The following KCNAB2 variants were observed in gnomAD, a reference collection of about 807,000 sequenced individuals.
The protein encoded by KCNAB2 is voltage-gated potassium channel subunit beta-2.
Under a neutral mutation model 63.6 loss-of-function variants are expected in KCNAB2, and 29 were observed. The ratio of observed to expected loss-of-function variants is 0.46; its 90% CI spans 0.34 to 0.62. KCNAB2 has a LOEUF of 0.62. KCNAB2 is among the 20% of genes least tolerant of loss of function. The probability of loss-of-function intolerance (pLI) is 0.01; values close to 1 mark genes in which losing one functional copy is unlikely to be tolerated. For missense variants in KCNAB2, 359 were observed against 563.9 expected, an observed-to-expected ratio of 0.64 and a Z score of 3.68; for synonymous variants, 222 against 224.2, an observed-to-expected ratio of 0.99 and a Z score of 0.09.
intron 1 of KCNAB2, among the ~76,000 whole-genome samples, chr1:6,019,139 A>T (rs952307233): frequency 7.9e-5 from 12 of 152,098 alleles, no homozygotes; most frequent in African/African-American, 2.7e-4. Context: ...AAAAAATTAT[A>T]AAATTAGCCG....
upstream of KCNAB2, among the ~76,000 whole-genome samples, chr1:6,032,317 A>C (rs1252864622): frequency 6.6e-6 from 1 of 152,224 alleles, no homozygotes; most frequent in Non-Finnish European, 1.5e-5. Flanking sequence ...GCGGTGGCTC[A>C]CACCTGTAAT....
In KCNAB2 at chr1:6,099,711, G is replaced by T. The variant is rs940448959; in HGVS notation, c.*1137G>T. 2 of 1,412,100 alleles carry T rather than the reference G, an allele frequency of 1.4e-6. No homozygotes were observed. The highest frequency in any genetic ancestry group is 1.9e-6 in the Non-Finnish European group (2 of 1,071,580). The allele number at this position is 1,412,100 out of a possible 1,614,324, so 87.5% of individuals were successfully genotyped here. A position where few individuals can be genotyped will look rare whatever the true frequency, so the allele number is the denominator to read the frequency against. On this transcript the variant is annotated 3_prime_UTR_variant, in exon 16 of 16. Coordinates refer to ENST00000378083, the MANE Select transcript of KCNAB2 (RefSeq NM_001199862.2). ...TTTCTGTGCCCATGACTTGGGGGCT[G>T]CACCCCCACAGCACCCCCACAATGT...
At chr1:6,037,382 C>T (rs370916569) in intron 1 of KCNAB2, among the ~76,000 whole-genome samples, 4 of 152,338 alleles carry the variant, frequency 2.6e-5, no homozygotes, top group South Asian at 4.1e-4. Context: ...TCCTGCCTCC[C>T]GTGGGCCGTG....
rs1361343257 is a variant in KCNAB2, at chr1:6,024,018, T to A, written c.-52-16499T>A. Reference sequence around the variant, plus strand: ...GTGCAATGGCACAATCTAGGCTCACTGCGACCTCCGCCTCCTGGGTTCAAG... The same window carrying A: ...GTGCAATGGCACAATCTAGGCTCACAGCGACCTCCGCCTCCTGGGTTCAAG... On this transcript the variant is annotated intron_variant, in intron 1 of 16. Transcript: ENST00000341524. This position sits in a 1 kb window ranked among gnomAD's most constrained non-coding sequence, Gnocchi z 5.4. 6.6e-6 allele frequency among the ~76,000 whole-genome samples: 1 copy of A among 151,904 alleles called. No homozygotes were observed. The highest frequency in any genetic ancestry group is 1.9e-4 in the East Asian group (1 of 5,190).
chr1:6,034,007 C>A (rs76810726), upstream of KCNAB2, among the ~76,000 whole-genome samples: 1,593 of 152,190 alleles, frequency 0.01, 18 homozygotes, highest in Middle Eastern at 0.024. Context: ...TGCTAGGCTC[C>A]CCTCTTGGGT....
At chr1:6,094,207 G>A in intron 10 of KCNAB2, among the ~76,000 whole-genome samples, 193 bp from the exon 11 acceptor site, 1 of 152,106 alleles carries the variant, frequency 6.6e-6, no homozygotes, top group Non-Finnish European at 1.5e-5. Flanking sequence ...TAGGATTGTG[G>A]TTCACTTTTC....
rs1664830235 is a variant in KCNAB2, at chr1:6,087,793, T to C, written c.470+282T>C. On this transcript the variant is annotated intron_variant, in intron 7 of 15. Coordinates refer to ENST00000378083, the MANE Select transcript of KCNAB2 (RefSeq NM_001199862.2). The surrounding 1 kb of genome is among the most constrained non-coding windows in gnomAD (Gnocchi z 6.4). ...AAAGAAGCTGTGGCCGAGTTTGCCTTTTACAAAAACCTCGCTTAACTTTCC... is the reference window on the plus strand; with the variant it reads ...AAAGAAGCTGTGGCCGAGTTTGCCTCTTACAAAAACCTCGCTTAACTTTCC... Among the ~76,000 whole-genome samples the C allele has an allele frequency of 6.6e-6, 1 of 152,244 alleles. No homozygotes were observed. The highest frequency in any genetic ancestry group is 6.5e-5 in the Admixed American group (1 of 15,290).
At chr1:6,012,905 C>G (rs138905792) in intron 1 of KCNAB2, among the ~76,000 whole-genome samples, 1 of 152,088 alleles carries the variant, frequency 6.6e-6, no homozygotes, top group Non-Finnish European at 1.5e-5. Context: ...TCTCCACACA[C>G]GCCCTGTGAG....
At chr1:6,018,331 G>A (rs763167883) in intron 1 of KCNAB2, among the ~76,000 whole-genome samples, 9 of 152,202 alleles carry the variant, frequency 5.9e-5, no homozygotes, top group African/African-American at 9.6e-5. Flanking sequence ...CCATAGTAGC[G>A]TGAAAGCAGC....
chr1:6,077,732 C>A (rs1349738564), intron 4 of KCNAB2, among the ~76,000 whole-genome samples: 1 of 152,170 alleles, frequency 6.6e-6, no homozygotes, highest in Non-Finnish European at 1.5e-5. Flanking sequence ...GAGCCAGGAG[C>A]ATCCGGGGCC....
At chr1:5,992,681 T>C (rs965148121), upstream of KCNAB2, 5 of 152,270 alleles carry the variant, frequency 3.3e-5, no homozygotes, top group African/African-American at 1.2e-4. Flanking sequence ...AAGATGCTGC[T>C]GGCGGAACCT....
intron 1 of KCNAB2, among the ~76,000 whole-genome samples, chr1:6,049,600 G>A (rs1033872572): frequency 3.9e-5 from 6 of 152,224 alleles, no homozygotes; most frequent in Non-Finnish European, 8.8e-5. Context: ...CCTTTAGGGA[G>A]GGGGCCATCC....
At chr1:6,019,578 G>A (rs1436324615) in intron 1 of KCNAB2, among the ~76,000 whole-genome samples, 1 of 152,204 alleles carries the variant, frequency 6.6e-6, no homozygotes, top group Non-Finnish European at 1.5e-5. Flanking sequence ...AGGCTCTGGA[G>A]TTGGGCACTG....
intron 2 of KCNAB2, among the ~76,000 whole-genome samples, chr1:6,062,786 T>G (rs1195035305): frequency 6.6e-6 from 1 of 152,198 alleles, no homozygotes; most frequent in African/African-American, 2.4e-5. Context: ...GTGACTTTTT[T>G]GGGGGAGATG....
chr1:6,072,859 GACTGA>G (rs1232372685), intron 3 of KCNAB2, 61 bp downstream of exon 3: 2 of 1,520,980 alleles, frequency 1.3e-6, no homozygotes, highest in Non-Finnish European at 1.8e-6. Context: ...GCCGGGCATG[GACTGA>G]ACTGGACACC....
At chr1:6,060,719 A>G (rs1016144106) in intron 2 of KCNAB2, among the ~76,000 whole-genome samples, 1 of 152,142 alleles carries the variant, frequency 6.6e-6, no homozygotes, top group Admixed American at 6.5e-5. Context: ...CCTAGCCAAC[A>G]TGCTGAAACC....
upstream of KCNAB2, among the ~76,000 whole-genome samples, chr1:6,045,120 C>A (rs1660809559): frequency 1.3e-5 from 2 of 152,180 alleles, no homozygotes. The surrounding 1 kb of genome is among the most constrained non-coding windows in gnomAD (Gnocchi z 4.8). Flanking sequence ...CGTGCTCTCC[C>A]AGCCTCCCAC....
intron 5 of KCNAB2, among the ~76,000 whole-genome samples, chr1:6,082,765 G>C (rs986938109): frequency 6.6e-6 from 1 of 152,202 alleles, no homozygotes; most frequent in Non-Finnish European, 1.5e-5. Flanking sequence ...CAATTTTAAA[G>C]ACTGGCTGTA....
chr1:6,080,966 G>A (rs1317841887), intron 4 of KCNAB2, among the ~76,000 whole-genome samples: 1 of 152,146 alleles, frequency 6.6e-6, no homozygotes, highest in Non-Finnish European at 1.5e-5. Flanking sequence ...GCTCTGAGCC[G>A]CACCTGGGGA....
Sources: gnomAD v4.1 joint callset for allele counts (sites outside exome capture counted in the v4.1 genomes callset) on GRCh38, gnomAD v4.1.1 for gene constraint, Gnocchi (gnomAD v3.1) non-coding constraint, MANE v1.5 for transcripts, NCBI Gene and HGNC (gene_info 2026-07-23, HGNC 2026-07-21) for gene names.